CHD6: variants seen among roughly 807,000 people sequenced by gnomAD.
The protein encoded by CHD6 is ATP-dependent chromatin remodeler CHD6.
Under a neutral mutation model 276.9 loss-of-function variants are expected in CHD6, and 50 were observed. The observed-to-expected ratio is 0.18, with a 90% CI of 0.14 to 0.23. The LOEUF (loss-of-function observed/expected upper bound fraction) is 0.23, where lower values mean the gene tolerates loss of function less well. Ranked by LOEUF, CHD6 falls within the 10% of genes least tolerant of loss-of-function variation. CHD6 has a pLI of 1.00. For missense variants in CHD6, 2,564 were observed against 3,365.8 expected (o/e 0.76, Z 5.89); for synonymous variants, 1,173 against 1,229.3 (o/e 0.95, Z 0.96).
intron 1 of CHD6, among the ~76,000 whole-genome samples, chr20:41,613,514 C>T (rs1489846022): frequency 6.6e-6 from 1 of 152,190 alleles, no homozygotes; most frequent in Non-Finnish European, 1.5e-5. Context: ...ATCATGTGAT[C>T]ACAGCGAGGG....
At position 41,553,055 on chromosome 20, in the gene CHD6, A is replaced by G. The variant is rs191975303; in HGVS notation, c.-23-1695T>C. 2.9e-4 allele frequency among the ~76,000 whole-genome samples: 44 copies of G among 152,362 alleles called. No homozygotes were observed. In the East Asian group the frequency reaches 5.8e-3, roughly 20 times the overall value. On this transcript the variant is annotated intron_variant, in intron 1 of 36. Transcript: ENST00000373233. ...AGAAAAAAATTATCTCCTAAGCTTC[A>G]TTACAGTGGAGTCAGTTGTAGGTAA...
chr20:41,443,512 T>C (rs914342219), intron 25 of CHD6, among the ~76,000 whole-genome samples: 2 of 152,218 alleles, frequency 1.3e-5, no homozygotes, highest in Admixed American at 6.5e-5. Flanking sequence ...AATGACCCCC[T>C]TTCTTCCAAA....
intron 1 of CHD6, among the ~76,000 whole-genome samples, chr20:41,576,657 G>C (rs930204190): frequency 6.6e-6 from 1 of 152,192 alleles, no homozygotes; most frequent in African/African-American, 2.4e-5. Context: ...CTGGGCGACA[G>C]AGCAAGACTC....
At chr20:41,456,041 A>T in intron 18 of CHD6, 62 bp from the exon 19 acceptor site, 3 of 1,445,656 alleles carry the variant, frequency 2.1e-6, no homozygotes, top group Non-Finnish European at 2.8e-6. Flanking sequence ...AACAGCCTCA[A>T]ATCTGGTTTT....
At chr20:41,580,797 A>T (rs1203185314) in intron 1 of CHD6, among the ~76,000 whole-genome samples, 1 of 152,214 alleles carries the variant, frequency 6.6e-6, no homozygotes, top group Non-Finnish European at 1.5e-5. Flanking sequence ...TACAATTCAA[A>T]ATAAGCTATA....
chr20:41,600,075 T>A (rs1218354157), intron 1 of CHD6, among the ~76,000 whole-genome samples: 1 of 152,260 alleles, frequency 6.6e-6, no homozygotes, highest in Non-Finnish European at 1.5e-5. Flanking sequence ...AGTGCTGGTT[T>A]TTCTTTGTGG....
intron 2 of CHD6, among the ~76,000 whole-genome samples, chr20:41,534,782 T>C (rs1029710151): frequency 1.3e-4 from 20 of 152,106 alleles, no homozygotes; most frequent in Admixed American, 1.1e-3. Flanking sequence ...TAAGTGGACA[T>C]AAAAGGAATT....
intron 1 of CHD6, among the ~76,000 whole-genome samples, chr20:41,587,841 C>CA (rs1391250563): frequency 1.3e-5 from 2 of 151,602 alleles, no homozygotes; most frequent in Non-Finnish European, 2.9e-5. Context: ...AAAAAAAACC[C>CA]AAAAAAACCC....
Position 41,451,842 on chromosome 20 carries a change from G to A in CHD6, c.3507C>T (p.Thr1169=). Residue 1169 remains threonine, a synonymous_variant, in exon 22 of 37, where the codon ACC becomes ACT. Coordinates refer to ENST00000373233, the MANE Select transcript of CHD6 (RefSeq NM_032221.5). ...ACCTCTCACCTGAGTGGTTCTGGAG[G>A]GTCTGGGCTTGCCCATCTTTGGTAG... ...ITPTKDGQAQ[T]LQNHSGLSAP... The A allele has an allele frequency of 6.2e-7, 1 of 1,614,110 alleles. No individual in the cohort carries two copies. The highest frequency in any genetic ancestry group is 8.5e-7 in the Non-Finnish European group (1 of 1,179,996).
chr20:41,544,372 G>A (rs1368705223), intron 2 of CHD6, among the ~76,000 whole-genome samples: 1 of 152,158 alleles, frequency 6.6e-6, no homozygotes, highest in Non-Finnish European at 1.5e-5. Context: ...TTGGTCACCA[G>A]AGCTTCCCAG....
Position 41,504,426 on chromosome 20 carries a change from T to A in CHD6, c.853-5069A>T, listed in dbSNP as rs112769127. 6.9e-3 allele frequency among the ~76,000 whole-genome samples: 911 copies of A among 132,674 alleles called. 6 individuals are homozygous for A. The highest frequency in any genetic ancestry group is 0.024 in the African/African-American group (839 of 35,414). 87.0% of individuals were successfully genotyped at this position (132,674 alleles called of 152,430 possible). On this transcript the variant is annotated intron_variant, in intron 5 of 36. Coordinates refer to ENST00000373233, the MANE Select transcript of CHD6 (RefSeq NM_032221.5). ...TTCTTTTTTTTTTTTTTTTTTTTTT[T>A]AGACAGGATCTCACTCTGTCACCCA...
chr20:41,463,175 C>T (rs533751260), intron 17 of CHD6, among the ~76,000 whole-genome samples: 1 of 152,154 alleles, frequency 6.6e-6, no homozygotes, highest in South Asian at 2.1e-4. Context: ...AAAAAAAGAA[C>T]CCATGTATTC....
At chr20:41,617,022 T>C (rs1055144884) in intron 1 of CHD6, among the ~76,000 whole-genome samples, 9 of 152,126 alleles carry the variant, frequency 5.9e-5, no homozygotes, top group African/African-American at 1.2e-4. Flanking sequence ...TGGGGGCCCA[T>C]TGGGATGGTA....
At chr20:41,592,136 G>T (rs538462375) in intron 1 of CHD6, among the ~76,000 whole-genome samples, 1 of 152,066 alleles carries the variant, frequency 6.6e-6, no homozygotes, top group Non-Finnish European at 1.5e-5. Flanking sequence ...TCAGACTCCC[G>T]TGAGTCCAAT....
intron 36 of CHD6, among the ~76,000 whole-genome samples, chr20:41,410,912 C>T (rs1285068090): frequency 1.3e-5 from 2 of 152,028 alleles, no homozygotes; most frequent in Non-Finnish European, 2.9e-5. Context: ...TCTGAGACAC[C>T]GTGTGCCGAG....
intron 3 of CHD6, among the ~76,000 whole-genome samples, chr20:41,523,840 C>T (rs1041106273): frequency 2.6e-5 from 4 of 152,176 alleles, no homozygotes; most frequent in African/African-American, 9.7e-5. Context: ...CATCGTACTA[C>T]TATGAATCTT....
At chr20:41,496,327 T>C (rs1369471343) in intron 8 of CHD6, among the ~76,000 whole-genome samples, 2 of 152,188 alleles carry the variant, frequency 1.3e-5, no homozygotes, top group Non-Finnish European at 2.9e-5. Flanking sequence ...CATCCTACCC[T>C]GTCCAGGCAA....
chr20:41,615,640 C>T (rs965830352), intron 1 of CHD6, among the ~76,000 whole-genome samples: 1 of 152,248 alleles, frequency 6.6e-6, no homozygotes, highest in African/African-American at 2.4e-5. Context: ...TATGTATATA[C>T]TGTCATTGTC....
chr20:41,497,132 T>C, intron 8 of CHD6: 1 of 430,630 alleles, frequency 2.3e-6, no homozygotes, highest in Admixed American at 3.5e-5. Context: ...TCACTCTAGC[T>C]ATTTATTAGT....
Sources: allele counts gnomAD v4.1 joint callset (sites outside exome capture counted in the v4.1 genomes callset), GRCh38; gene constraint gnomAD v4.1.1; transcripts MANE v1.5; gene names NCBI Gene and HGNC (gene_info 2026-07-23, HGNC 2026-07-21).